The following ATF6 variants were observed in gnomAD, a reference collection of about 807,000 sequenced individuals.
ATF6 encodes activating transcription factor 6, also known as cyclic AMP-dependent transcription factor ATF-6 alpha.
In ATF6, 53 loss-of-function variants were observed where a neutral mutation model predicts 83.6. The ratio of observed to expected loss-of-function variants is 0.63; its 90% confidence interval spans 0.51 to 0.80. The LOEUF (loss-of-function observed/expected upper bound fraction) is 0.80. ATF6 is among the 30% of genes least tolerant of loss of function. The pLI, the probability that ATF6 is intolerant of heterozygous loss-of-function variation, is 0.00. For synonymous variants in ATF6, 288 were observed against 285.8 expected, an observed-to-expected ratio of 1.01 and a Z score of -0.08; for missense variants, 744 against 797.9, an observed-to-expected ratio of 0.93 and a Z score of 0.81.
chr1:161,917,443 CAG>C (rs1255360286), intron 15 of ATF6, among the ~76,000 whole-genome samples: 1 of 148,422 alleles, frequency 6.7e-6, no homozygotes, highest in Non-Finnish European at 1.5e-5. Context: ...TTTTTGAAGG[CAG>C]AGTCTCGCTC....
intron 15 of ATF6, among the ~76,000 whole-genome samples, chr1:161,940,804 C>T (rs534169097): frequency 3.3e-5 from 5 of 152,174 alleles, no homozygotes; most frequent in South Asian, 4.1e-4. Context: ...CCTTGTGATC[C>T]GCCCACCTCG....
chr1:161,946,214 C>T (rs536296985), intron 15 of ATF6, among the ~76,000 whole-genome samples: 1 of 152,244 alleles, frequency 6.6e-6, no homozygotes, highest in Admixed American at 6.5e-5. Context: ...CAGCTGCTCT[C>T]GAACTCCTGG....
intron 1 of ATF6, among the ~76,000 whole-genome samples, chr1:161,771,704 C>T (rs995696754): frequency 2.0e-5 from 3 of 152,174 alleles, no homozygotes; most frequent in African/African-American, 7.2e-5. Flanking sequence ...TCTTCAGACC[C>T]CTGGGGTCAA....
Position 161,931,122 on chromosome 1 carries a change from G to T in ATF6, c.1804+18742G>T, listed in dbSNP as rs187478506. ...ACTCCTGACCTCAAGTGATCCACTCGCCTCAGCCTCCCAAAGTGTTGGGAT... is the reference window on the plus strand; with the variant it reads ...ACTCCTGACCTCAAGTGATCCACTCTCCTCAGCCTCCCAAAGTGTTGGGAT... On this transcript the variant is annotated intron_variant, in intron 15 of 15. Coordinates refer to ENST00000367942, the MANE Select transcript of ATF6 (RefSeq NM_007348.4). Among the ~76,000 whole-genome samples the T allele has an allele frequency of 2.5e-3, 380 of 152,244 alleles. 3 individuals carry two copies. Among genetic ancestry groups the T allele is most frequent in the African/African-American group, 8.5e-3 (353 of 41,546 alleles).
intron 14 of ATF6, among the ~76,000 whole-genome samples, chr1:161,877,718 G>A (rs1040166344): frequency 1.1e-4 from 16 of 152,146 alleles, no homozygotes; most frequent in African/African-American, 3.6e-4. Flanking sequence ...GCATTAGAGA[G>A]AGACCTATTA....
intron 7 of ATF6, among the ~76,000 whole-genome samples, chr1:161,810,870 T>A (rs1685437311): frequency 6.6e-6 from 1 of 152,224 alleles, no homozygotes; most frequent in Non-Finnish European, 1.5e-5. Context: ...ATGTGCCCTT[T>A]TGTGTATGGC....
chr1:161,852,201 G>C (rs1248505945), intron 11 of ATF6, among the ~76,000 whole-genome samples: 1 of 152,124 alleles, frequency 6.6e-6, no homozygotes, highest in Admixed American at 6.5e-5. Flanking sequence ...TTTACCGTTA[G>C]TACACACTTC....
intron 14 of ATF6, among the ~76,000 whole-genome samples, chr1:161,874,626 G>T (rs1466698361): frequency 6.6e-6 from 1 of 151,492 alleles, no homozygotes; most frequent in Non-Finnish European, 1.5e-5. Flanking sequence ...GAATGAGTCT[G>T]TCTTGGAGAG....
In ATF6 at chr1:161,857,817, G is replaced by T. The variant is rs184295122; in HGVS notation, c.1534-2390G>T. The stretch of plus-strand genomic sequence containing the variant: ...AATATAAGACAATAAGAACACAAGG[G>T]GGGGAGGGATAAATGGAATAATACT... On this transcript the variant is annotated intron_variant, in intron 12 of 15. Coordinates refer to ENST00000367942, the MANE Select transcript of ATF6 (RefSeq NM_007348.4). Among the ~76,000 whole-genome samples, 16 of 152,238 alleles carry T rather than the reference G, an allele frequency of 1.1e-4. No homozygotes were observed. The East Asian group carries it at 1.7e-3, about 17-fold the overall frequency.
rs1384948073 is a variant in ATF6, at chr1:161,848,899, C to CGTG, written c.1319+2319_1319+2320insGTG. Reference sequence around the variant, plus strand: ...TGATTTTCTCTCTCCTTTAACTCCACCCAATCCTTGTCCTGGTATTTCTCC... The same window carrying CGTG: ...TGATTTTCTCTCTCCTTTAACTCCACGTGCCAATCCTTGTCCTGGTATTTCTCC... On this transcript the variant is annotated intron_variant, in intron 10 of 15. Transcript: ENST00000367942. 5.9e-5 allele frequency among the ~76,000 whole-genome samples: 9 copies of CGTG among 152,082 alleles called. No homozygotes were observed. In the East Asian group the frequency reaches 1.7e-3, roughly 29 times the overall value.
At chr1:161,776,742 C>G (rs1005922460) in intron 1 of ATF6, among the ~76,000 whole-genome samples, 2 of 152,118 alleles carry the variant, frequency 1.3e-5, no homozygotes, top group Non-Finnish European at 2.9e-5. Context: ...GTTTGACATG[C>G]CTTTTAAACA....
chr1:161,833,016 G>A (rs1371807586), intron 9 of ATF6, among the ~76,000 whole-genome samples: 3 of 152,168 alleles, frequency 2.0e-5, no homozygotes, highest in African/African-American at 7.2e-5. Flanking sequence ...AGTAGGGGCG[G>A]ACTGACACCT....
Position 161,819,323 on chromosome 1 carries a change from A to G in ATF6, c.910-310A>G, listed in dbSNP as rs544990520. On this transcript the variant is annotated intron_variant, in intron 7 of 15. Coordinates refer to ENST00000367942, the MANE Select transcript of ATF6 (RefSeq NM_007348.4). ...AGAGATACAGATTTAAGATGTATGT[A>G]TATATGCATATATATTTAAAGATAC... is the stretch of plus-strand genomic sequence containing the variant. Among the ~76,000 whole-genome samples, 6 of 152,320 alleles carry G rather than the reference A, an allele frequency of 3.9e-5. No individual in the cohort carries two copies. In the South Asian group the frequency reaches 1.0e-3, roughly 26 times the overall value.
intron 4 of ATF6, among the ~76,000 whole-genome samples, chr1:161,788,087 T>G (rs1473611088): frequency 6.6e-6 from 1 of 152,152 alleles, no homozygotes; most frequent in Non-Finnish European, 1.5e-5. Flanking sequence ...ATGCCTAGAA[T>G]TGCTGGGTAG....
chr1:161,914,111 G>A (rs2101889998), intron 15 of ATF6, among the ~76,000 whole-genome samples: 1 of 152,126 alleles, frequency 6.6e-6, no homozygotes, highest in East Asian at 1.9e-4. Flanking sequence ...TCCCTTTTTA[G>A]GATAAGTCCT....
At chr1:161,869,060 G>A (rs975435097) in intron 14 of ATF6, among the ~76,000 whole-genome samples, 5 of 150,612 alleles carry the variant, frequency 3.3e-5, no homozygotes, top group African/African-American at 1.2e-4. Context: ...AAACACTGTA[G>A]GAAATACTGT....
At chr1:161,918,195 G>A (rs1407716356) in intron 15 of ATF6, among the ~76,000 whole-genome samples, 1 of 151,986 alleles carries the variant, frequency 6.6e-6, no homozygotes, top group Admixed American at 6.6e-5. Flanking sequence ...AAAAGAATAA[G>A]TAAGGTAAAT....
chr1:161,897,208 C>T (rs976897871), intron 14 of ATF6, among the ~76,000 whole-genome samples: 1 of 151,872 alleles, frequency 6.6e-6, no homozygotes, highest in Non-Finnish European at 1.5e-5. Context: ...CTGAAGCGGG[C>T]GGCTTGCCTG....
intron 9 of ATF6, among the ~76,000 whole-genome samples, chr1:161,822,989 A>G (rs1183978788): frequency 1.3e-5 from 2 of 152,156 alleles, no homozygotes; most frequent in Non-Finnish European, 2.9e-5. Context: ...AAATATGTGA[A>G]TACATTATTC....
Sources: gnomAD v4.1 joint callset for allele counts (sites outside exome capture counted in the v4.1 genomes callset) on GRCh38, gnomAD v4.1.1 for gene constraint, MANE v1.5 for transcripts, NCBI Gene and HGNC (gene_info 2026-07-23, HGNC 2026-07-21) for gene names.